The following DAB1 variants were observed in gnomAD, a reference collection of about 807,000 sequenced individuals.
DAB1 encodes DAB adaptor protein 1.
Under a neutral mutation model 64.6 loss-of-function variants are expected in DAB1, and 15 were observed. The ratio of observed to expected loss-of-function variants is 0.23; its 90% CI spans 0.16 to 0.36. DAB1 has a LOEUF of 0.36. DAB1 is among the 10% of genes least tolerant of loss of function. The probability of loss-of-function intolerance (pLI) is 1.00; values close to 1 mark genes in which losing one functional copy is unlikely to be tolerated. For missense variants in DAB1, 596 were observed against 706.7 expected (o/e 0.84, Z 1.78); for synonymous variants, 235 against 251.9 (o/e 0.93, Z 0.64).
intron 7 of DAB1, among the ~76,000 whole-genome samples, chr1:57,546,011 C>T (rs1321612539): frequency 6.6e-6 from 1 of 151,772 alleles, no homozygotes; most frequent in African/African-American, 2.4e-5. Context: ...TCCAGGAGTG[C>T]TGTGGATGCT....
chr1:58,235,048 TACTGG>T (rs781768697), intron 4 of DAB1, among the ~76,000 whole-genome samples: 2 of 152,360 alleles, frequency 1.3e-5, no homozygotes, highest in Non-Finnish European at 2.9e-5. Context: ...ATTAGTGTAA[TACTGG>T]ACAAGTTAAT....
At chr1:57,496,950 T>G (rs1335092463) in intron 7 of DAB1, among the ~76,000 whole-genome samples, 2 of 152,208 alleles carry the variant, frequency 1.3e-5, no homozygotes. Flanking sequence ...CCAACCTCAC[T>G]TTCTACTGGC....
chr1:57,134,682 A>C (rs1242636538), intron 4 of DAB1, among the ~76,000 whole-genome samples: 1 of 152,132 alleles, frequency 6.6e-6, no homozygotes, highest in Admixed American at 6.6e-5. Flanking sequence ...AAAAAGAAAA[A>C]GAATACAAAA....
chr1:58,230,872 C>T (rs921166633), intron 4 of DAB1, among the ~76,000 whole-genome samples: 2 of 152,182 alleles, frequency 1.3e-5, no homozygotes, highest in Non-Finnish European at 2.9e-5. Context: ...AATTACAGCA[C>T]CATGGTTGGC....
At chr1:57,378,809 G>T (rs1009220899) in intron 1 of DAB1, among the ~76,000 whole-genome samples, 9 of 152,140 alleles carry the variant, frequency 5.9e-5, no homozygotes, top group East Asian at 1.9e-4. Context: ...TTGGAGGGGG[G>T]TTAAGAACAT....
intron 5 of DAB1, among the ~76,000 whole-genome samples, chr1:58,068,387 G>A (rs1648992522): frequency 6.6e-6 from 1 of 152,122 alleles, no homozygotes; most frequent in Admixed American, 6.5e-5. Context: ...TTCACTATTT[G>A]TCAGGAACAT....
intron 3 of DAB1, among the ~76,000 whole-genome samples, chr1:58,473,621 T>C (rs1645388557): frequency 6.6e-6 from 1 of 152,066 alleles, no homozygotes; most frequent in African/African-American, 2.4e-5. Flanking sequence ...CCTCATAGAA[T>C]TGTTGAGGGA....
At chr1:58,072,576 C>A (rs1017285627) in intron 5 of DAB1, among the ~76,000 whole-genome samples, 1 of 152,086 alleles carries the variant, frequency 6.6e-6, no homozygotes, top group African/African-American at 2.4e-5. Flanking sequence ...GGAATCAAGT[C>A]AGATAGATCT....
intron 2 of DAB1, among the ~76,000 whole-genome samples, chr1:57,261,001 T>G (rs1670139850): frequency 6.6e-6 from 1 of 152,198 alleles, no homozygotes; most frequent in South Asian, 2.1e-4. Context: ...CTCCCGCATT[T>G]AATGATAATA....
At chr1:58,159,373 C>T (rs192712503) in intron 4 of DAB1, among the ~76,000 whole-genome samples, 146 of 152,132 alleles carry the variant, frequency 9.6e-4, no homozygotes, top group Admixed American at 1.7e-3. Flanking sequence ...AAGCTAGAGG[C>T]AAAAAGAACA....
chr1:57,825,815 G>A (rs1384306587), downstream of DAB1, among the ~76,000 whole-genome samples: 1 of 152,128 alleles, frequency 6.6e-6, no homozygotes, highest in African/African-American at 2.4e-5. Flanking sequence ...ATGTTGTTCA[G>A]GTCAGGTCCC....
chr1:57,668,207 TAA>T lies in DAB1; in HGVS notation n.552-18544_552-18543del, dbSNP rs1322996900. Among the ~76,000 whole-genome samples the T allele has an allele frequency of 2.0e-5, 3 of 152,256 alleles. No homozygotes were observed. In the East Asian group the frequency reaches 5.8e-4, roughly 29 times the overall value. ...ATTTCACTTTAACCACTACATTTTA[TAA>T]GATATTATTTAAATTAATGTACTTT... On this transcript the variant is annotated intron_variant and non_coding_transcript_variant, in intron 6 of 20. Coordinates refer to the DAB1 transcript ENST00000485760.
intron 7 of DAB1, among the ~76,000 whole-genome samples, chr1:57,475,888 T>C (rs1349552236): frequency 6.6e-6 from 1 of 152,198 alleles, no homozygotes; most frequent in African/African-American, 2.4e-5. Flanking sequence ...AATGCATGAA[T>C]GAATGAATAA....
At chr1:57,853,849 T>C (rs991424267) in intron 1 of DAB1, among the ~76,000 whole-genome samples, 1 of 152,158 alleles carries the variant, frequency 6.6e-6, no homozygotes, top group Non-Finnish European at 1.5e-5. Context: ...GTTCTGGTTG[T>C]CACATTTCAA....
At chr1:58,393,639 C>G (rs1295956599) in intron 3 of DAB1, among the ~76,000 whole-genome samples, 1 of 152,030 alleles carries the variant, frequency 6.6e-6, no homozygotes, top group East Asian at 1.9e-4. Flanking sequence ...CAAGAAGATA[C>G]ATATCACACT....
chr1:58,104,479 C>T (rs1651515635), intron 5 of DAB1, among the ~76,000 whole-genome samples: 1 of 152,168 alleles, frequency 6.6e-6, no homozygotes, highest in Non-Finnish European at 1.5e-5. Flanking sequence ...AACACTTGTA[C>T]CCTAACTAGC....
chr1:57,995,167 G>C lies in DAB1; in HGVS notation n.388-111005C>G, dbSNP rs1262833581. Among the ~76,000 whole-genome samples, 5 of 152,294 alleles carry C rather than the reference G, an allele frequency of 3.3e-5. No individual in the cohort carries two copies. In the East Asian group the frequency reaches 5.8e-4, roughly 18 times the overall value. On this transcript the variant is annotated intron_variant and non_coding_transcript_variant, in intron 5 of 20. Coordinates refer to the DAB1 transcript ENST00000485760. ...CCCCCAGGTACATGATTTCAGATGA[G>C]CTACTTATAGGGTACTCAAGTTTTT... is the stretch of plus-strand genomic sequence containing the variant.
At chr1:57,441,792 T>C (rs1046697249) in intron 7 of DAB1, among the ~76,000 whole-genome samples, 5 of 152,242 alleles carry the variant, frequency 3.3e-5, no homozygotes, top group African/African-American at 1.2e-4. Context: ...TATTTTCTTT[T>C]GGGTATATAC....
chr1:57,462,072 G>C (rs2101182143), intron 7 of DAB1, among the ~76,000 whole-genome samples: 1 of 144,680 alleles, frequency 6.9e-6, no homozygotes, highest in Non-Finnish European at 1.5e-5. Context: ...TCCTGCCTCA[G>C]CCTCCCAAGT....
Sources: gnomAD v4.1 joint callset for allele counts (sites outside exome capture counted in the v4.1 genomes callset) on GRCh38, gnomAD v4.1.1 for gene constraint, MANE v1.5 for transcripts, NCBI Gene and HGNC (gene_info 2026-07-23, HGNC 2026-07-21) for gene names.